EPHB2: variants seen among roughly 807,000 people sequenced by gnomAD.
EPHB2 encodes the protein ephrin type-B receptor 2.
A neutral mutation model predicts 96.4 loss-of-function variants in EPHB2; 18 were observed. That is an observed-to-expected ratio of 0.19 (90% confidence interval 0.13 to 0.28). EPHB2 has a LOEUF of 0.28. Among genes scored for constraint, EPHB2 ranks in the 10% least tolerant of loss-of-function variants. The pLI, the probability that EPHB2 is intolerant of heterozygous loss-of-function variation, is 1.00. For synonymous variants in EPHB2, 506 were observed against 534.1 expected (o/e 0.95, Z 0.72); for missense variants, 989 against 1,355.4 (o/e 0.73, Z 4.25).
intron 1 of EPHB2, among the ~76,000 whole-genome samples, chr1:22,721,075 G>T (rs1643453313): frequency 6.6e-6 from 1 of 152,202 alleles, no homozygotes; most frequent in Non-Finnish European, 1.5e-5. Flanking sequence ...GACCGGGTAA[G>T]GGGGTGACTG....
intron 3 of EPHB2, among the ~76,000 whole-genome samples, chr1:22,814,447 T>C (rs1645044592): frequency 6.6e-6 from 1 of 151,996 alleles, no homozygotes; most frequent in African/African-American, 2.4e-5. Context: ...CTTATATACC[T>C]ATGCAGGGTG....
intron 3 of EPHB2, among the ~76,000 whole-genome samples, chr1:22,861,337 G>A (rs1038284940): frequency 1.3e-5 from 2 of 152,092 alleles, no homozygotes; most frequent in African/African-American, 4.8e-5. Context: ...TAAGGAGGCA[G>A]CTCCAAGATG....
chr1:22,806,352 C>T (rs1644924737), intron 3 of EPHB2, among the ~76,000 whole-genome samples: 2 of 152,196 alleles, frequency 1.3e-5, no homozygotes, highest in Admixed American at 1.3e-4. Flanking sequence ...CACTGTACCT[C>T]TTAGAATACC....
intron 1 of EPHB2, among the ~76,000 whole-genome samples, chr1:22,728,664 C>T (rs373613576): frequency 9.8e-5 from 15 of 152,342 alleles, no homozygotes; most frequent in East Asian, 9.7e-4. Flanking sequence ...GACCTTTTCA[C>T]GGTCCTCCCA....
chr1:22,711,351 C>A (rs1219236523), intron 1 of EPHB2, among the ~76,000 whole-genome samples: 2 of 148,296 alleles, frequency 1.3e-5, no homozygotes, highest in African/African-American at 4.9e-5. Flanking sequence ...CCGCCCCCGG[C>A]TCGGGCAGCC....
At chr1:22,724,289 A>G (rs1484378217) in intron 1 of EPHB2, among the ~76,000 whole-genome samples, 2 of 152,062 alleles carry the variant, frequency 1.3e-5, no homozygotes, top group African/African-American at 2.4e-5. Flanking sequence ...TTTCTGAACC[A>G]TTTGTACATA....
rs148264280 is a variant in EPHB2, at chr1:22,860,620, C to A, written c.812-2417C>A. Among the ~76,000 whole-genome samples the A allele has an allele frequency of 7.0e-3, 1,069 of 152,174 alleles. 19 individuals are homozygous for A. The highest frequency in any genetic ancestry group is 0.057 in the East Asian group (292 of 5,154). On this transcript the variant is annotated intron_variant, in intron 3 of 15. Transcript: ENST00000374630. The surrounding 1 kb of genome is among the most constrained non-coding windows in gnomAD (Gnocchi z 4.6). ...AGCAGCCACCCACTGGCGGCCCCCC[C>A]GGGAATGCCCCGCAGATGGAGGAGG...
rs1277591436 is a variant in EPHB2 at position 22,790,697 on chromosome 1, C to T, written c.811+5621C>T. Among the ~76,000 whole-genome samples the T allele has an allele frequency of 2.0e-5, 3 of 152,206 alleles. No homozygotes were observed. The highest frequency in any genetic ancestry group is 4.4e-5 in the Non-Finnish European group (3 of 68,042). ...CTCTGTTCTCTCCCAGTGGCCAACC[C>T]GCATCTGCGAGGGATCTGGAGGCAG... On this transcript the variant is annotated intron_variant, in intron 3 of 15. Coordinates refer to ENST00000374630, the MANE Select transcript of EPHB2 (RefSeq NM_017449.5). The surrounding 1 kb of genome is among the most constrained non-coding windows in gnomAD (Gnocchi z 4.0).
At chr1:22,824,577 G>A (rs1645196469) in intron 3 of EPHB2, among the ~76,000 whole-genome samples, 2 of 152,210 alleles carry the variant, frequency 1.3e-5, no homozygotes, top group Admixed American at 6.5e-5. Context: ...GAGGGAAGAC[G>A]GGTGGAGGCT....
chr1:22,777,730 G>T lies in EPHB2; in HGVS notation c.62-3691G>T, dbSNP rs540505535. Among the ~76,000 whole-genome samples the T allele has an allele frequency of 3.3e-5, 5 of 152,286 alleles. No homozygotes were observed. In the East Asian group the frequency reaches 9.7e-4, roughly 29 times the overall value. ...TTGTCAGATGTTGGCAGGCATATCT[G>T]GGAGGTGGGGGAGGCCAGGCAGACT... On this transcript the variant is annotated intron_variant, in intron 1 of 15. Transcript: ENST00000374630.
intron 3 of EPHB2, among the ~76,000 whole-genome samples, chr1:22,832,495 T>C (rs1489954627): frequency 6.6e-6 from 1 of 152,194 alleles, no homozygotes; most frequent in South Asian, 2.1e-4. Flanking sequence ...GTTAAGGGAC[T>C]TGTTCAGAAT....
chr1:22,816,135 G>C (rs1280041077), intron 3 of EPHB2, among the ~76,000 whole-genome samples: 2 of 152,126 alleles, frequency 1.3e-5, no homozygotes, highest in Admixed American at 1.3e-4. Context: ...GCATCTGTCG[G>C]ATTAGTCAGA....
chr1:22,770,890 G>T (rs779334769), intron 1 of EPHB2, among the ~76,000 whole-genome samples: 17 of 152,102 alleles, frequency 1.1e-4, no homozygotes, highest in Non-Finnish European at 2.5e-4. Flanking sequence ...GTAGGTGGAT[G>T]GATAGATGGG....
intron 5 of EPHB2, among the ~76,000 whole-genome samples, chr1:22,874,958 G>A (rs184298949): frequency 3.3e-5 from 5 of 152,134 alleles, no homozygotes; most frequent in Admixed American, 2.6e-4. Context: ...TCTCCCCTGC[G>A]GGACTTCTCA....
chr1:22,886,448 T>TC (rs1443560567), intron 6 of EPHB2, among the ~76,000 whole-genome samples: 2 of 152,036 alleles, frequency 1.3e-5, no homozygotes, highest in African/African-American at 2.4e-5. Flanking sequence ...GCAATCTGAC[T>TC]CAGATTCCTT....
At chr1:22,893,768 T>G (rs1639466686) in intron 7 of EPHB2, among the ~76,000 whole-genome samples, 1 of 152,188 alleles carries the variant, frequency 6.6e-6, no homozygotes, top group African/African-American at 2.4e-5. Context: ...ATTATCAAAC[T>G]AGTGTAAGAA....
At chr1:22,781,370 G>T in intron 1 of EPHB2, 51 bp from the exon 2 acceptor site, 25 of 1,458,412 alleles carry the variant, frequency 1.7e-5, no homozygotes, top group Non-Finnish European at 2.3e-5. Context: ...CAGAAAGATT[G>T]ACAGCGCCTG....
At chr1:22,894,935 C>G (rs1018124767) in intron 7 of EPHB2, among the ~76,000 whole-genome samples, 1 of 152,178 alleles carries the variant, frequency 6.6e-6, no homozygotes, top group Admixed American at 6.5e-5. Flanking sequence ...TGATTGAATG[C>G]TTGCTTAGGT....
chr1:22,798,724 C>T (rs865949890), intron 3 of EPHB2, among the ~76,000 whole-genome samples: 5 of 152,126 alleles, frequency 3.3e-5, no homozygotes, highest in Admixed American at 2.0e-4. Flanking sequence ...GACTTGGTTA[C>T]GTCCTTTTCC....
Sources: gnomAD v4.1 joint callset for allele counts (sites outside exome capture counted in the v4.1 genomes callset) on GRCh38, gnomAD v4.1.1 for gene constraint, Gnocchi (gnomAD v3.1) non-coding constraint, MANE v1.5 for transcripts, NCBI Gene and HGNC (gene_info 2026-07-23, HGNC 2026-07-21) for gene names.